Variants in MPRIP observed in about 807,000 individuals in gnomAD.
MPRIP encodes the protein myosin phosphatase Rho interacting protein, also known as myosin phosphatase Rho-interacting protein.
A neutral mutation model predicts 234.9 loss-of-function variants in MPRIP; 59 were observed. That is an observed-to-expected ratio of 0.25 (90% CI 0.20 to 0.31). The LOEUF (loss-of-function observed/expected upper bound fraction) is 0.31. Among genes scored for constraint, MPRIP ranks in the 10% least tolerant of loss-of-function variants. MPRIP has a pLI of 1.00. For synonymous variants in MPRIP, 1,144 were observed against 1,263.9 expected (o/e 0.91, Z 2.01); for missense variants, 2,436 against 3,071.0 (o/e 0.79, Z 4.89).
intron 3 of MPRIP, among the ~76,000 whole-genome samples, chr17:17,121,813 A>G (rs1276704553): frequency 6.6e-6 from 1 of 151,250 alleles, no homozygotes; most frequent in Non-Finnish European, 1.5e-5. Context: ...CCCTCTTCCC[A>G]CCCTCCCCAC....
rs2046141894 is a variant in MPRIP at position 17,171,811 on chromosome 17, C to T, written c.6418C>T (p.Leu2140Phe). Residue 2140 changes from leucine (L) to phenylalanine (F), a missense_variant, in exon 17 of 24, where the codon CTT becomes TTT. Around this residue, in one of 4 missense-constraint regions of MPRIP, gnomAD observed 1,998 missense variants for 2,520.3 expected, o/e 0.79. Coordinates refer to ENST00000651222, the MANE Select transcript of MPRIP (RefSeq NM_001364716.4). ...GCAGCACCAGCGGGAGCTAGAGAAACTTCGAGAAGAGAAAGACCGCCTCCT... is the reference window on the plus strand; with the variant it reads ...GCAGCACCAGCGGGAGCTAGAGAAATTTCGAGAAGAGAAAGACCGCCTCCT... ...QRQHQRELEK[L>F]REEKDRLLAE... The T allele has an allele frequency of 6.2e-7, 1 of 1,613,556 alleles. No homozygotes were observed.
chr17:17,147,818 A>C (rs2045511124), intron 11 of MPRIP, among the ~76,000 whole-genome samples: 1 of 152,220 alleles, frequency 6.6e-6, no homozygotes, highest in South Asian at 2.1e-4. Context: ...TGCCTTCTGG[A>C]CAAGGACAGG....
intron 3 of MPRIP, among the ~76,000 whole-genome samples, chr17:17,107,800 C>G (rs1159604247): frequency 6.6e-6 from 1 of 152,216 alleles, no homozygotes; most frequent in Non-Finnish European, 1.5e-5. Context: ...TTCTCCCCAG[C>G]AGGTGATTTG....
rs1002549454 is a variant in MPRIP, at chr17:17,185,741, G to T, written c.*847G>T. 2 of 344,352 alleles carry T rather than the reference G, an allele frequency of 5.8e-6. No individual in the cohort carries two copies. The highest frequency in any genetic ancestry group is 1.1e-5 in the Non-Finnish European group (2 of 174,628). The allele number at this position is 344,352 out of a possible 1,614,324, so 21.3% of individuals were successfully genotyped here. On this transcript the variant is annotated 3_prime_UTR_variant, in exon 24 of 24. Coordinates refer to ENST00000651222, the MANE Select transcript of MPRIP (RefSeq NM_001364716.4). ...AATCATTCAAAATGGGGGAAGGTTT[G>T]GGGGTTTGGGTTTTTTTTTTACCTT...
At chr17:17,172,292 T>A (rs2144669857) in intron 17 of MPRIP, among the ~76,000 whole-genome samples, 1 of 152,376 alleles carries the variant, frequency 6.6e-6, no homozygotes, top group South Asian at 2.1e-4. Context: ...GCACGTCCCC[T>A]CCGCCTTGTG....
At chr17:17,125,555 G>A (rs1018953512) in intron 3 of MPRIP, among the ~76,000 whole-genome samples, 2 of 152,234 alleles carry the variant, frequency 1.3e-5, no homozygotes, top group Admixed American at 6.5e-5. Context: ...GAAGATCACA[G>A]GAGCTTGAGG....
intron 23 of MPRIP, chr17:17,182,498 C>T (rs2046393109): frequency 6.6e-6 from 1 of 152,216 alleles, no homozygotes; most frequent in African/African-American, 2.4e-5. Flanking sequence ...GGAGATGAAC[C>T]CCAGAGGGAG....
At chr17:17,049,358 G>A (rs1355532523) in intron 1 of MPRIP, among the ~76,000 whole-genome samples, 1 of 152,148 alleles carries the variant, frequency 6.6e-6, no homozygotes, top group Non-Finnish European at 1.5e-5. Context: ...TATGGTGGGG[G>A]TACATCCAGG....
Position 17,189,022 on chromosome 17 carries a change from T to G in MPRIP, c.*4128T>G, listed in dbSNP as rs1417922675. The G allele has an allele frequency of 6.6e-6, 1 of 152,162 alleles. No individual in the cohort carries two copies. Among genetic ancestry groups the G allele is most frequent in the Non-Finnish European group, 1.5e-5 (1 of 68,032 alleles). 9.4% of individuals were successfully genotyped at this position (152,162 alleles called of 1,614,324 possible). ...TTCTCCCAGCTACTCATTCACTGAC[T>G]TGGGTAAGTTCTAAGACAGTTCGCA... On this transcript the variant is annotated 3_prime_UTR_variant, in exon 24 of 24. Coordinates refer to ENST00000651222, the MANE Select transcript of MPRIP (RefSeq NM_001364716.4).
chr17:17,120,762 T>C (rs1002400282), intron 3 of MPRIP, among the ~76,000 whole-genome samples: 2 of 152,196 alleles, frequency 1.3e-5, no homozygotes, highest in African/African-American at 4.8e-5. Context: ...TCCTGACCTC[T>C]GGAGGTATAG....
Position 17,165,159 on chromosome 17 carries a change from G to A in MPRIP, c.3568G>A (p.Glu1190Lys), listed in dbSNP as rs745996939. The change falls in exon 16 of 24, where the codon GAG (glutamate) becomes AAG (lysine). Residue 1190 changes from glutamate to lysine, a missense_variant. Physicochemically the swap from Glu to Lys is moderately conservative, Grantham distance 56. Coordinates refer to ENST00000651222, the MANE Select transcript of MPRIP (RefSeq NM_001364716.4). ...GGAGAAGAAGGAGCAGGACCTCAATGAGGCTTTGGTTAAAATGGTTGCCTT... is the reference window on the plus strand; with the variant it reads ...GGAGAAGAAGGAGCAGGACCTCAATAAGGCTTTGGTTAAAATGGTTGCCTT... ...VLEKKEQDLN[E>K]ALVKMVALGS... 1.7e-5 allele frequency: 22 copies of A among 1,304,122 alleles called. No homozygotes were observed. The highest frequency in any genetic ancestry group is 5.5e-5 in the East Asian group (1 of 18,042). 80.8% of individuals were successfully genotyped at this position (1,304,122 alleles called of 1,614,324 possible).
intron 1 of MPRIP, among the ~76,000 whole-genome samples, chr17:17,071,146 G>A (rs1304585233): frequency 6.6e-6 from 1 of 152,218 alleles, no homozygotes; most frequent in South Asian, 2.1e-4. Flanking sequence ...CACCCTGGCC[G>A]GGGTGTGGGG....
chr17:17,147,976 G>T (rs1182032492), intron 11 of MPRIP, among the ~76,000 whole-genome samples: 1 of 152,112 alleles, frequency 6.6e-6, no homozygotes, highest in Non-Finnish European at 1.5e-5. Flanking sequence ...TTCCCCAGTA[G>T]TTTCACTCCA....
chr17:17,071,311 TTTG>T (rs905130583), intron 1 of MPRIP, among the ~76,000 whole-genome samples: 3 of 151,040 alleles, frequency 2.0e-5, no homozygotes, highest in East Asian at 3.8e-4. Flanking sequence ...AAAGTAGCTT[TTTG>T]TTGTTGTTTT....
At chr17:17,084,110 C>G (rs1191599802) in intron 3 of MPRIP, among the ~76,000 whole-genome samples, 7 of 152,150 alleles carry the variant, frequency 4.6e-5, no homozygotes, top group Non-Finnish European at 8.8e-5. Flanking sequence ...ACCATCTGCT[C>G]CTCCTTGGTG....
chr17:17,109,635 G>A (rs1203614680), intron 3 of MPRIP, among the ~76,000 whole-genome samples: 1 of 152,202 alleles, frequency 6.6e-6, no homozygotes, highest in African/African-American at 2.4e-5. Flanking sequence ...TCCATTAGCG[G>A]AGAGGGCCTA....
intron 3 of MPRIP, among the ~76,000 whole-genome samples, chr17:17,081,924 C>T (rs1433549736): frequency 6.6e-6 from 1 of 152,094 alleles, no homozygotes; most frequent in Non-Finnish European, 1.5e-5. Flanking sequence ...AGGTGGGGTC[C>T]GGGCAGCCTC....
intron 1 of MPRIP, chr17:17,057,931 T>C (rs1209903101): frequency 8.0e-6 from 4 of 498,274 alleles, no homozygotes; most frequent in Non-Finnish European, 1.4e-5. Flanking sequence ...ATCTAAATAA[T>C]AAAAATGAAT....
At chr17:17,084,348 G>A (rs2089535700) in intron 3 of MPRIP, among the ~76,000 whole-genome samples, 1 of 152,242 alleles carries the variant, frequency 6.6e-6, no homozygotes, top group East Asian at 1.9e-4. Context: ...TCTGGGAGGA[G>A]ACAGGTGGCA....
Sources: allele counts gnomAD v4.1 joint callset (sites outside exome capture counted in the v4.1 genomes callset), GRCh38; gene constraint gnomAD v4.1.1; regional missense constraint gnomAD v4.1.1; transcripts MANE v1.5; gene names NCBI Gene and HGNC (gene_info 2026-07-23, HGNC 2026-07-21).